Variants in KCNQ5 observed in about 807,000 individuals in gnomAD.
KCNQ5 encodes the protein potassium voltage-gated channel subfamily Q member 5, also known as potassium voltage-gated channel subfamily KQT member 5.
A neutral mutation model predicts 98.2 loss-of-function variants in KCNQ5; 30 were observed. The ratio of observed to expected loss-of-function variants is 0.31; its 90% confidence interval spans 0.23 to 0.41. The LOEUF (loss-of-function observed/expected upper bound fraction) is 0.41. KCNQ5 is among the 10% of genes least tolerant of loss of function. KCNQ5 has a pLI of 1.00. For missense variants in KCNQ5, 835 were observed against 1,182.5 expected (o/e 0.71, Z 4.31); for synonymous variants, 458 against 449.4 (o/e 1.02, Z -0.24).
At chr6:72,830,924 A>G (rs954486855) in intron 1 of KCNQ5, among the ~76,000 whole-genome samples, 6 of 152,234 alleles carry the variant, frequency 3.9e-5, no homozygotes, top group African/African-American at 7.2e-5. Context: ...GGCAAAAGAT[A>G]TGAACAGACA....
chr6:73,173,440 TA>T (rs1250853949), intron 11 of KCNQ5, among the ~76,000 whole-genome samples: 7 of 152,184 alleles, frequency 4.6e-5, no homozygotes, highest in Non-Finnish European at 7.3e-5. Flanking sequence ...ACCTATTTCG[TA>T]GTAGATCACC....
intron 1 of KCNQ5, among the ~76,000 whole-genome samples, chr6:72,695,929 T>C (rs1363365413): frequency 2.0e-5 from 3 of 152,148 alleles, no homozygotes; most frequent in East Asian, 1.9e-4. Flanking sequence ...GTAACAATTT[T>C]TTTAAAAGTG....
chr6:72,716,741 A>G (rs943180785), intron 1 of KCNQ5, among the ~76,000 whole-genome samples: 2 of 152,236 alleles, frequency 1.3e-5, no homozygotes, highest in African/African-American at 4.8e-5. Context: ...TGAGAGAAGC[A>G]TTCAACTTTG....
chr6:73,040,333 A>G lies in KCNQ5; in HGVS notation c.490-1603A>G, dbSNP rs189023871. Among the ~76,000 whole-genome samples the G allele has an allele frequency of 3.2e-3, 491 of 152,308 alleles. 3 individuals carry two copies. The highest frequency in any genetic ancestry group is 0.011 in the African/African-American group (461 of 41,564). On this transcript the variant is annotated intron_variant, in intron 2 of 13. Transcript: ENST00000370398. ...GCCAAATGTCCTGGCATAAGCAGGA[A>G]TTAGGGGCAGGGATTAAAAAGTGGA...
intron 1 of KCNQ5, among the ~76,000 whole-genome samples, chr6:72,962,499 T>G (rs1035690031): frequency 6.6e-6 from 1 of 151,940 alleles, no homozygotes; most frequent in African/African-American, 2.4e-5. Flanking sequence ...ACTGAAATTT[T>G]TTAAAATTAA....
chr6:72,816,018 G>A (rs946803072), intron 1 of KCNQ5, among the ~76,000 whole-genome samples: 3 of 152,112 alleles, frequency 2.0e-5, no homozygotes, highest in Non-Finnish European at 4.4e-5. Flanking sequence ...GAGAACAGAG[G>A]CTTAAGGCCA....
intron 10 of KCNQ5, among the ~76,000 whole-genome samples, chr6:73,160,632 G>A (rs1404566728): frequency 2.0e-5 from 3 of 152,188 alleles, no homozygotes; most frequent in African/African-American, 7.2e-5. Context: ...AGGCACGTAT[G>A]TTGTCTCAAA....
chr6:72,803,942 T>C (rs1346134645), intron 1 of KCNQ5, among the ~76,000 whole-genome samples: 1 of 152,150 alleles, frequency 6.6e-6, no homozygotes, highest in Non-Finnish European at 1.5e-5. Context: ...CATAGCAAAT[T>C]ATAAAACATA....
At chr6:73,023,634 A>C (rs1391388499) in intron 2 of KCNQ5, among the ~76,000 whole-genome samples, 1 of 152,208 alleles carries the variant, frequency 6.6e-6, no homozygotes, top group Non-Finnish European at 1.5e-5. Context: ...GAGGCATTTC[A>C]TCAGATGCCT....
rs1052579339 is a variant in KCNQ5, at chr6:73,196,634, A to C, written c.*1220A>C. 1.3e-5 allele frequency: 2 copies of C among 152,198 alleles called. No individual in the cohort carries two copies. The highest frequency in any genetic ancestry group is 1.5e-5 in the Non-Finnish European group (1 of 68,040). 9.4% of individuals were successfully genotyped at this position (152,198 alleles called of 1,614,324 possible). On this transcript the variant is annotated 3_prime_UTR_variant, in exon 14 of 14. Coordinates refer to ENST00000370398, the MANE Select transcript of KCNQ5 (RefSeq NM_019842.4). Reference sequence around the variant, plus strand: ...TGTACATTTTGCATATGAAAGTCTAAAACGAAACTTCCTTTACTTTTTATA... The same window carrying C: ...TGTACATTTTGCATATGAAAGTCTACAACGAAACTTCCTTTACTTTTTATA...
intron 9 of KCNQ5, among the ~76,000 whole-genome samples, chr6:73,126,195 C>T (rs1252456409): frequency 6.6e-6 from 1 of 152,176 alleles, no homozygotes; most frequent in Non-Finnish European, 1.5e-5. Flanking sequence ...GATCTGCCTC[C>T]AAATCCAAAG....
intron 10 of KCNQ5, among the ~76,000 whole-genome samples, chr6:73,166,626 A>G (rs978066141): frequency 1.3e-5 from 2 of 152,178 alleles, no homozygotes; most frequent in Non-Finnish European, 2.9e-5. Flanking sequence ...CTGCCATCCC[A>G]AATTACCACA....
chr6:73,075,238 T>G (rs75062586), intron 3 of KCNQ5, among the ~76,000 whole-genome samples: 2 of 152,026 alleles, frequency 1.3e-5, no homozygotes, highest in East Asian at 3.9e-4. Context: ...TTTTTTTTTT[T>G]TTTGAGACGC....
At chr6:72,669,992 C>T (rs1410094587) in intron 1 of KCNQ5, among the ~76,000 whole-genome samples, 1 of 150,382 alleles carries the variant, frequency 6.6e-6, no homozygotes, top group East Asian at 1.9e-4. Context: ...TTAACAGTTC[C>T]TTCTTCCATT....
intron 9 of KCNQ5, among the ~76,000 whole-genome samples, chr6:73,125,681 A>G (rs762885048): frequency 6.6e-6 from 1 of 152,072 alleles, no homozygotes; most frequent in Admixed American, 6.6e-5. Flanking sequence ...TTTTTGCATT[A>G]TGTTTATATG....
intron 1 of KCNQ5, among the ~76,000 whole-genome samples, chr6:72,827,473 T>C (rs1776056053): frequency 6.6e-6 from 1 of 152,182 alleles, no homozygotes; most frequent in African/African-American, 2.4e-5. Flanking sequence ...ATTTTCCTGA[T>C]GATTAGTGAT....
At chr6:72,834,390 A>T (rs1453898245) in intron 1 of KCNQ5, among the ~76,000 whole-genome samples, 2 of 152,180 alleles carry the variant, frequency 1.3e-5, no homozygotes, top group East Asian at 3.8e-4. Flanking sequence ...GATATTATGG[A>T]TATTCATCTG....
intron 1 of KCNQ5, among the ~76,000 whole-genome samples, chr6:72,977,123 G>GTATT (rs1417329519): frequency 6.6e-6 from 1 of 152,058 alleles, no homozygotes; most frequent in Non-Finnish European, 1.5e-5. Context: ...ACTCTCTTTG[G>GTATT]TATTTATTTA....
At chr6:72,643,257 T>TA (rs1035658672) in intron 1 of KCNQ5, among the ~76,000 whole-genome samples, 6 of 152,146 alleles carry the variant, frequency 3.9e-5, no homozygotes, top group African/African-American at 9.7e-5. Flanking sequence ...CCCCTGAACT[T>TA]AAAAGTTATT....
Sources: gnomAD v4.1 joint callset for allele counts (sites outside exome capture counted in the v4.1 genomes callset) on GRCh38, gnomAD v4.1.1 for gene constraint, MANE v1.5 for transcripts, NCBI Gene and HGNC (gene_info 2026-07-23, HGNC 2026-07-21) for gene names.